FRMD5: variants seen among roughly 807,000 people sequenced by gnomAD.
FRMD5 encodes the protein FERM domain-containing protein 5.
A neutral mutation model predicts 69.0 loss-of-function variants in FRMD5; 20 were observed. The observed-to-expected ratio is 0.29, with a 90% CI of 0.20 to 0.42. The LOEUF (loss-of-function observed/expected upper bound fraction) is 0.42. FRMD5 is among the 10% of genes least tolerant of loss of function. The probability of loss-of-function intolerance (pLI) is 1.00; values close to 1 mark genes in which losing one functional copy is unlikely to be tolerated. For missense variants in FRMD5, 595 were observed against 708.6 expected, an observed-to-expected ratio of 0.84 and a Z score of 1.82; for synonymous variants, 271 against 260.1, an observed-to-expected ratio of 1.04 and a Z score of -0.40.
chr15:44,064,252 T>C (rs1453338307), intron 1 of FRMD5: 1 of 166,726 alleles, frequency 6.0e-6, no homozygotes, highest in Non-Finnish European at 1.3e-5. Flanking sequence ...ATGGATCTGA[T>C]CTGCTATCTA....
At chr15:43,903,143 C>A (rs1417007666) in intron 6 of FRMD5, among the ~76,000 whole-genome samples, 1 of 152,238 alleles carries the variant, frequency 6.6e-6, no homozygotes, top group Non-Finnish European at 1.5e-5. Flanking sequence ...CATTGCAGAC[C>A]CAGTGGCAGA....
In FRMD5 at chr15:43,991,398, G is replaced by C. The variant is rs1337685282; in HGVS notation, c.103-67089C>G. ...TGATGTACGCAGCTCCCACAGCATC[G>C]GTGCATCCATACACATGAGCCCTGA... On this transcript the variant is annotated intron_variant, in intron 1 of 13. Coordinates refer to ENST00000417257, the MANE Select transcript of FRMD5 (RefSeq NM_032892.5). Among the ~76,000 whole-genome samples the C allele has an allele frequency of 2.0e-5, 3 of 152,286 alleles. No individual in the cohort carries two copies. In the East Asian group the frequency reaches 5.8e-4, roughly 29 times the overall value.
intron 1 of FRMD5, among the ~76,000 whole-genome samples, chr15:44,113,012 AG>A (rs1020691843): frequency 9.2e-5 from 14 of 152,344 alleles, no homozygotes; most frequent in African/African-American, 3.4e-4. Context: ...CCAGATGAGA[AG>A]GGGGTCTTAT....
At chr15:44,150,601 G>C (rs1445599292) in intron 1 of FRMD5, among the ~76,000 whole-genome samples, 1 of 150,902 alleles carries the variant, frequency 6.6e-6, no homozygotes, top group Non-Finnish European at 1.5e-5. Flanking sequence ...GCAACACAGT[G>C]AGAGACCCTG....
chr15:43,991,468 C>T (rs1019689097), intron 1 of FRMD5, among the ~76,000 whole-genome samples: 3 of 152,210 alleles, frequency 2.0e-5, no homozygotes, highest in Non-Finnish European at 4.4e-5. Context: ...GCTGCTGCTG[C>T]ATTCTGTGCC....
At chr15:43,889,378 T>C (rs1226683147) in intron 8 of FRMD5, among the ~76,000 whole-genome samples, 4 of 152,096 alleles carry the variant, frequency 2.6e-5, no homozygotes, top group African/African-American at 7.2e-5. Flanking sequence ...CAGACAAATA[T>C]CAAACAATCT....
At chr15:44,139,153 G>A (rs1009188466) in intron 1 of FRMD5, among the ~76,000 whole-genome samples, 2 of 152,008 alleles carry the variant, frequency 1.3e-5, no homozygotes, top group South Asian at 2.1e-4. Flanking sequence ...TTTAAAAAGC[G>A]GAACTAGAAA....
upstream of FRMD5, among the ~76,000 whole-genome samples, chr15:44,199,082 GTC>G (rs2078326525): frequency 6.6e-6 from 1 of 152,082 alleles, no homozygotes; most frequent in African/African-American, 2.4e-5. Flanking sequence ...TGGGACACTG[GTC>G]TCTCTCTTTA....
In FRMD5 at chr15:43,899,396, A is replaced by G. The variant is rs560750680; in HGVS notation, c.639+2779T>C. On this transcript the variant is annotated intron_variant, in intron 7 of 13. Transcript: ENST00000417257. The stretch of plus-strand genomic sequence containing the variant: ...AACAAGGGACCTGAGCACTCCCCCA[A>G]AAGAAGTCTCCTGGGGGGTTTCTGT... 2.6e-5 allele frequency among the ~76,000 whole-genome samples: 4 copies of G among 152,218 alleles called. No homozygotes were observed. In the South Asian group the frequency reaches 6.2e-4, roughly 24 times the overall value.
intron 1 of FRMD5, among the ~76,000 whole-genome samples, chr15:43,985,280 C>CAA (rs34455065): frequency 0.029 from 2,189 of 75,772 alleles, 121 homozygotes; most frequent in South Asian, 0.037. Context: ...GACTCCGTCT[C>CAA]AAAAAAAAAA....
chr15:44,078,004 C>T (rs1893841426), intron 1 of FRMD5, among the ~76,000 whole-genome samples: 7 of 152,048 alleles, frequency 4.6e-5, no homozygotes, highest in Non-Finnish European at 1.0e-4. Flanking sequence ...ATATCTTATA[C>T]ATTGCAGAAT....
intron 1 of FRMD5, among the ~76,000 whole-genome samples, chr15:44,038,872 T>C (rs1027091821): frequency 2.8e-4 from 43 of 152,246 alleles, no homozygotes; most frequent in African/African-American, 9.6e-4. Context: ...GACCATGAAA[T>C]TCCCTCCAGT....
intron 7 of FRMD5, among the ~76,000 whole-genome samples, chr15:43,896,886 G>A (rs1049785161): frequency 6.6e-6 from 1 of 152,220 alleles, no homozygotes; most frequent in South Asian, 2.1e-4. Flanking sequence ...TTCTGAAAGA[G>A]CTCACAGTTG....
intron 1 of FRMD5, among the ~76,000 whole-genome samples, chr15:44,008,089 A>ATTTTTTTTT (rs35785368): frequency 6.4e-5 from 4 of 62,804 alleles, no homozygotes; most frequent in East Asian, 4.5e-4. Context: ...ACAATCGGCA[A>ATTTTTTTTT]TTTTTTTTTT....
At chr15:44,019,171 G>T (rs1291614269) in intron 1 of FRMD5, among the ~76,000 whole-genome samples, 2 of 152,298 alleles carry the variant, frequency 1.3e-5, no homozygotes, top group African/African-American at 4.8e-5. Flanking sequence ...TGGGATTACA[G>T]ATGTGAGCCA....
At chr15:44,097,663 G>C (rs2076573394) in intron 1 of FRMD5, among the ~76,000 whole-genome samples, 1 of 152,146 alleles carries the variant, frequency 6.6e-6, no homozygotes, top group South Asian at 2.1e-4. Flanking sequence ...TGGAGATTCA[G>C]ACTAGTAATT....
chr15:43,897,375 T>TC (rs2088935840), intron 7 of FRMD5, among the ~76,000 whole-genome samples: 1 of 150,144 alleles, frequency 6.7e-6, no homozygotes, highest in Non-Finnish European at 1.5e-5. Flanking sequence ...TAATCTCAGC[T>TC]ACTTGGGAGG....
intron 13 of FRMD5, among the ~76,000 whole-genome samples, chr15:43,879,197 A>G (rs1008693878): frequency 2.6e-5 from 4 of 151,996 alleles, no homozygotes; most frequent in Admixed American, 6.5e-5. Flanking sequence ...TCAGCCTCCC[A>G]AAGTGCTGGG....
At chr15:43,930,788 G>C in intron 1 of FRMD5, among the ~76,000 whole-genome samples, 1 of 152,192 alleles carries the variant, frequency 6.6e-6, no homozygotes, top group Non-Finnish European at 1.5e-5. Context: ...ATCGCCACAT[G>C]GTGTGACACG....
Sources: gnomAD v4.1 joint callset for allele counts (sites outside exome capture counted in the v4.1 genomes callset) on GRCh38, gnomAD v4.1.1 for gene constraint, MANE v1.5 for transcripts, NCBI Gene and HGNC (gene_info 2026-07-23, HGNC 2026-07-21) for gene names.